Variants in ARHGAP32 observed in about 807,000 individuals in gnomAD.
ARHGAP32 encodes the protein rho GTPase-activating protein 32.
ARHGAP32 carries 51 observed loss-of-function variants against 186.5 expected under a neutral mutation model. The ratio of observed to expected loss-of-function variants is 0.27; its 90% CI spans 0.22 to 0.35. The LOEUF is 0.35. ARHGAP32 is among the 10% of genes least tolerant of loss of function. The pLI, the probability that ARHGAP32 is intolerant of heterozygous loss-of-function variation, is 1.00. For synonymous variants in ARHGAP32, 950 were observed against 964.3 expected, an observed-to-expected ratio of 0.99 and a Z score of 0.27; for missense variants, 2,186 against 2,623.5, an observed-to-expected ratio of 0.83 and a Z score of 3.64.
intron 15 of ARHGAP32, 66 bp from the exon 16 acceptor site, chr11:128,982,002 T>C: frequency 9.8e-7 from 1 of 1,018,110 alleles, no homozygotes; most frequent in Non-Finnish European, 1.4e-6. Context: ...CATAAAAGCC[T>C]GCTAATTAAT....
At chr11:129,241,081 T>TC (rs1328062221) in intron 1 of ARHGAP32, among the ~76,000 whole-genome samples, 12 of 152,224 alleles carry the variant, frequency 7.9e-5, no homozygotes, top group Admixed American at 3.3e-4. Flanking sequence ...CTTCATTTTT[T>TC]CACTCATAAA....
intron 5 of ARHGAP32, among the ~76,000 whole-genome samples, chr11:129,095,336 C>T (rs1941701271): frequency 6.6e-6 from 1 of 152,138 alleles, no homozygotes; most frequent in Non-Finnish European, 1.5e-5. Context: ...TGAGTAACTG[C>T]ATATAAACTA....
intron 2 of ARHGAP32, among the ~76,000 whole-genome samples, chr11:129,142,769 G>C (rs1460412117): frequency 6.6e-6 from 1 of 151,308 alleles, no homozygotes; most frequent in Admixed American, 6.6e-5. Flanking sequence ...AATAAGACTT[G>C]ATCAAAGTGT....
intron 11 of ARHGAP32, among the ~76,000 whole-genome samples, chr11:129,001,768 T>C (rs907289794): frequency 6.6e-6 from 1 of 152,216 alleles, no homozygotes; most frequent in African/African-American, 2.4e-5. Context: ...CTTCAATCCA[T>C]TTGGACTTAA....
chr11:129,132,402 C>T (rs989340513), intron 2 of ARHGAP32, among the ~76,000 whole-genome samples: 1 of 151,842 alleles, frequency 6.6e-6, no homozygotes, highest in Admixed American at 6.6e-5. Flanking sequence ...ATTGCTTGAG[C>T]CTAAGGTTAA....
chr11:129,205,654 T>C (rs556132956), intron 1 of ARHGAP32, among the ~76,000 whole-genome samples: 1 of 152,230 alleles, frequency 6.6e-6, no homozygotes, highest in East Asian at 1.9e-4. Context: ...AAGTCCTATA[T>C]AGATGTTCAA....
At chr11:129,262,556 G>T (rs989465049) in intron 1 of ARHGAP32, among the ~76,000 whole-genome samples, 1 of 151,758 alleles carries the variant, frequency 6.6e-6, no homozygotes, top group Non-Finnish European at 1.5e-5. Flanking sequence ...GCTAATTTTT[G>T]TATTTTTTTT....
chr11:129,216,162 T>C (rs745926677), intron 1 of ARHGAP32, among the ~76,000 whole-genome samples: 8 of 152,108 alleles, frequency 5.3e-5, no homozygotes, highest in Non-Finnish European at 8.8e-5. Flanking sequence ...TCTACTCTTA[T>C]AGCCGCCAAG....
intron 1 of ARHGAP32, among the ~76,000 whole-genome samples, chr11:129,276,176 G>A (rs977108253): frequency 6.6e-6 from 1 of 152,232 alleles, no homozygotes; most frequent in Non-Finnish European, 1.5e-5. Flanking sequence ...CTGTCTCCAA[G>A]TAATTGAAAA....
intron 5 of ARHGAP32, among the ~76,000 whole-genome samples, chr11:129,116,563 G>A (rs1357636682): frequency 6.6e-6 from 1 of 151,902 alleles, no homozygotes; most frequent in Non-Finnish European, 1.5e-5. Context: ...AATTAGCATG[G>A]GTTTTATTTC....
intron 1 of ARHGAP32, among the ~76,000 whole-genome samples, chr11:129,205,084 C>T (rs1043182537): frequency 1.3e-5 from 2 of 152,038 alleles, no homozygotes; most frequent in East Asian, 1.9e-4. Flanking sequence ...ATATATGCAG[C>T]TCTTTAAAAG....
intron 2 of ARHGAP32, among the ~76,000 whole-genome samples, chr11:129,144,122 G>A (rs919590594): frequency 3.3e-5 from 5 of 152,114 alleles, no homozygotes; most frequent in African/African-American, 4.8e-5. Flanking sequence ...GTGAATATCC[G>A]CAAAAGAATT....
In ARHGAP32 at chr11:129,209,440, TA is replaced by T. The variant is rs535393091; in HGVS notation, c.-4-45014del. ...AAATACAAAAAAAAAGTAAGATATATAAAAAAAAGTAAATATAAAAAAAAGT... is the reference window on the plus strand; with the variant it reads ...AAATACAAAAAAAAAGTAAGATATATAAAAAAAGTAAATATAAAAAAAAGT... On this transcript the variant is annotated intron_variant, in intron 1 of 6. Coordinates refer to the ARHGAP32 transcript ENST00000525234. Among the ~76,000 whole-genome samples the T allele has an allele frequency of 1.5e-3, 227 of 149,672 alleles. 1 individual carries two copies. Among genetic ancestry groups the T allele is most frequent in the African/African-American group, 5.2e-3 (208 of 40,244 alleles).
At chr11:129,275,716 TG>T (rs1329460827) in intron 1 of ARHGAP32, among the ~76,000 whole-genome samples, 2 of 152,256 alleles carry the variant, frequency 1.3e-5, no homozygotes, top group Non-Finnish European at 2.9e-5. Flanking sequence ...TGAACGACTG[TG>T]TTCCTACAAA....
chr11:129,028,404 G>A (rs1256500937), intron 11 of ARHGAP32, among the ~76,000 whole-genome samples: 1 of 152,068 alleles, frequency 6.6e-6, no homozygotes, highest in Non-Finnish European at 1.5e-5. Flanking sequence ...GGTAAGAAAT[G>A]GGGGGAAAAA....
chr11:129,173,234 C>T (rs1187166659), intron 1 of ARHGAP32, among the ~76,000 whole-genome samples: 4 of 151,634 alleles, frequency 2.6e-5, no homozygotes, highest in African/African-American at 7.3e-5. Context: ...TTCCTGGATG[C>T]ATACACCCTA....
At chr11:129,188,258 A>C (rs1465647698) in intron 1 of ARHGAP32, among the ~76,000 whole-genome samples, 1 of 152,132 alleles carries the variant, frequency 6.6e-6, no homozygotes, top group Non-Finnish European at 1.5e-5. Flanking sequence ...GCCCAGCCTC[A>C]GTTAATTGTT....
chr11:128,996,219 A>T (rs1946195601), intron 12 of ARHGAP32, among the ~76,000 whole-genome samples: 1 of 152,150 alleles, frequency 6.6e-6, no homozygotes, highest in African/African-American at 2.4e-5. Flanking sequence ...ATTTTTCTGT[A>T]TTTTGTTTAT....
intron 2 of ARHGAP32, among the ~76,000 whole-genome samples, chr11:129,129,895 C>T (rs1942772500): frequency 6.6e-6 from 1 of 152,158 alleles, no homozygotes; most frequent in African/African-American, 2.4e-5. Context: ...CATAACTTCA[C>T]ATTTTGGTTG....
Sources: allele counts gnomAD v4.1 joint callset (sites outside exome capture counted in the v4.1 genomes callset), GRCh38; gene constraint gnomAD v4.1.1; transcripts MANE v1.5; gene names NCBI Gene and HGNC (gene_info 2026-07-23, HGNC 2026-07-21).